Variants in FOXP1 observed in about 807,000 individuals in gnomAD.
FOXP1 encodes forkhead box protein P1.
Under a neutral mutation model 98.2 loss-of-function variants are expected in FOXP1, and 15 were observed. The ratio of observed to expected loss-of-function variants is 0.15; its 90% CI spans 0.10 to 0.24. The LOEUF (loss-of-function observed/expected upper bound fraction) is 0.24. FOXP1 is among the 10% of genes least tolerant of loss of function. The pLI is 1.00. For missense variants in FOXP1, 633 were observed against 848.5 expected (o/e 0.75, Z 3.15); for synonymous variants, 371 against 314.5 (o/e 1.18, Z -1.90).
intron 3 of FOXP1, among the ~76,000 whole-genome samples, chr3:71,470,826 A>G (rs761811117): frequency 2.6e-5 from 4 of 152,226 alleles, no homozygotes; most frequent in Non-Finnish European, 4.4e-5. Flanking sequence ...AACTTCAACT[A>G]TTCAGTGTAT....
chr3:71,219,420 T>C (rs551892724), intron 5 of FOXP1, among the ~76,000 whole-genome samples: 1 of 152,324 alleles, frequency 6.6e-6, no homozygotes, highest in South Asian at 2.1e-4. Context: ...AATGTGTGAT[T>C]TTCATGAAAG....
At chr3:71,538,562 G>A (rs1262359973) in intron 2 of FOXP1, among the ~76,000 whole-genome samples, 2 of 152,178 alleles carry the variant, frequency 1.3e-5, no homozygotes, top group Non-Finnish European at 2.9e-5. Context: ...TCCACCAGTT[G>A]ATAGACATCT....
At chr3:71,155,235 A>G (rs2060763204) in intron 6 of FOXP1, among the ~76,000 whole-genome samples, 1 of 152,264 alleles carries the variant, frequency 6.6e-6, no homozygotes, top group South Asian at 2.1e-4. Flanking sequence ...GAAAATACAT[A>G]TAAACCAAGC....
At chr3:71,163,106 G>C (rs1056886843) in intron 6 of FOXP1, among the ~76,000 whole-genome samples, 6 of 152,178 alleles carry the variant, frequency 3.9e-5, no homozygotes, top group Admixed American at 1.3e-4. Context: ...ACGGTAACTA[G>C]GATTGGTTTC....
chr3:71,535,661 C>T (rs945191622), intron 2 of FOXP1, among the ~76,000 whole-genome samples: 1 of 152,152 alleles, frequency 6.6e-6, no homozygotes, highest in South Asian at 2.1e-4. Flanking sequence ...GAGGTGAAGG[C>T]TGCAGTAAGC....
chr3:71,175,717 A>G (rs1439382283), intron 6 of FOXP1, among the ~76,000 whole-genome samples: 3 of 152,208 alleles, frequency 2.0e-5, no homozygotes, highest in African/African-American at 7.2e-5. Flanking sequence ...TAAACCGGAA[A>G]CAAATATATG....
chr3:71,508,750 A>G (rs1343161144), intron 2 of FOXP1, among the ~76,000 whole-genome samples: 1 of 152,064 alleles, frequency 6.6e-6, no homozygotes, highest in African/African-American at 2.4e-5. Context: ...CTGGCCCCCA[A>G]CCTCCCAAGG....
rs896202594 is a variant in FOXP1 at position 71,146,390 on chromosome 3, C to T, written c.181-33753G>A. 3.3e-5 allele frequency among the ~76,000 whole-genome samples: 5 copies of T among 152,180 alleles called. No individual in the cohort carries two copies. In the South Asian group the frequency reaches 1.0e-3, roughly 32 times the overall value. The stretch of plus-strand genomic sequence containing the variant: ...ATGAGAATGTCTTGGAAAGCCAGCA[C>T]TTGGAAAACACACACACAGGGCCAA... On this transcript the variant is annotated intron_variant, in intron 6 of 20. Coordinates refer to ENST00000649528, the MANE Select transcript of FOXP1 (RefSeq NM_001349338.3).
At chr3:71,133,822 A>ATG (rs10675924) in intron 6 of FOXP1, among the ~76,000 whole-genome samples, 129,176 of 151,484 alleles carry the variant, frequency 0.85, 58,422 homozygotes, top group South Asian at 0.99. Context: ...TACCCCGAAT[A>ATG]TGTGTGTGTG....
chr3:71,244,685 T>C (rs2067576512), intron 5 of FOXP1, among the ~76,000 whole-genome samples: 1 of 151,698 alleles, frequency 6.6e-6, no homozygotes, highest in South Asian at 2.1e-4. Context: ...CATCCACAAC[T>C]GGTGGCATTT....
At chr3:71,383,727 C>G (rs831082) in intron 3 of FOXP1, among the ~76,000 whole-genome samples, 69,626 of 151,926 alleles carry the variant, frequency 0.46, 17,055 homozygotes, top group East Asian at 0.98. Context: ...CATGGAAGAC[C>G]AGGCCCCCTT....
In FOXP1 at chr3:70,972,144, A is replaced by ACT. The variant is rs2036399490; in HGVS notation, c.1652+410_1652+411insAG. On this transcript the variant is annotated intron_variant, in intron 18 of 20. Coordinates refer to ENST00000649528, the MANE Select transcript of FOXP1 (RefSeq NM_001349338.3). ...CCAAACTCATCCTCTACTCTGATAA[A>ACT]GCACTTATGCAGTGAGAGGTTGGTG... 9 of 1,533,892 alleles carry ACT rather than the reference A, an allele frequency of 5.9e-6. No homozygotes were observed. In the African/African-American group the frequency reaches 1.2e-4, roughly 21 times the overall value.
intron 1 of FOXP1, chr3:71,582,745 A>C (rs544537172): frequency 2.0e-5 from 20 of 984,772 alleles, no homozygotes; most frequent in Non-Finnish European, 2.3e-5. Flanking sequence ...GGGAAAGCGG[A>C]GGCCGAGCGC....
intron 3 of FOXP1, among the ~76,000 whole-genome samples, chr3:71,437,937 G>A (rs2085522815): frequency 6.6e-6 from 1 of 152,164 alleles, no homozygotes; most frequent in South Asian, 2.1e-4. Flanking sequence ...GAGTCAAAGA[G>A]AGCCCACGGA....
intron 2 of FOXP1, among the ~76,000 whole-genome samples, chr3:71,513,200 G>A (rs534105388): frequency 1.3e-5 from 2 of 152,136 alleles, no homozygotes; most frequent in African/African-American, 4.8e-5. Flanking sequence ...ACCCTCTCAA[G>A]CAGGCTCTAT....
Position 71,397,742 on chromosome 3 carries a change from G to A in FOXP1, c.-167-38498C>T, listed in dbSNP as rs368083561. 2.6e-4 allele frequency among the ~76,000 whole-genome samples: 39 copies of A among 152,316 alleles called. No homozygotes were observed. The East Asian group carries it at 6.4e-3, about 25-fold the overall frequency. ...TCACTGATTTCACAGAGTTAATCTA[G>A]AAACCTTTGAAGTCTTCAACTTATA... On this transcript the variant is annotated intron_variant, in intron 3 of 20. Coordinates refer to ENST00000649528, the MANE Select transcript of FOXP1 (RefSeq NM_001349338.3).
Position 71,198,291 on chromosome 3 carries a change from C to G in FOXP1, c.91G>C (p.Gly31Arg), listed in dbSNP as rs750746668. The G allele has an allele frequency of 6.2e-7, 1 of 1,614,150 alleles. No homozygotes were observed. Among genetic ancestry groups the G allele is most frequent in the Non-Finnish European group, 8.5e-7 (1 of 1,180,040 alleles). Residue 31 changes from glycine (G) to arginine (R), a missense_variant, in exon 6 of 21, where the codon GGT (glycine) becomes CGT (arginine). Gly to Arg is a moderately radical substitution (Grantham distance 125). Around this residue, in one of 6 missense-constraint regions of FOXP1, gnomAD observed 103 missense variants for 85.5 expected, o/e 1.20. Transcript: ENST00000649528. ...GGSNHLLECG[G>R]LREGRSNGET... ...CCGTTGGACCGCCCCTCCCGAAGAC[C>G]GCCGCACTCTAGTAAGTGGTTGCTG...
chr3:71,327,868 G>A (rs962298204), intron 4 of FOXP1, among the ~76,000 whole-genome samples: 9 of 152,020 alleles, frequency 5.9e-5, no homozygotes, highest in African/African-American at 1.2e-4. Flanking sequence ...AAAATAAGGC[G>A]CATATAAATG....
intron 3 of FOXP1, among the ~76,000 whole-genome samples, chr3:71,410,454 T>C (rs2082649607): frequency 6.6e-6 from 1 of 152,246 alleles, no homozygotes; most frequent in African/African-American, 2.4e-5. Context: ...ATGCTTCCAG[T>C]TGTGGCTTAT....
Sources: gnomAD v4.1 joint callset for allele counts (sites outside exome capture counted in the v4.1 genomes callset) on GRCh38, gnomAD v4.1.1 for gene constraint, gnomAD v4.1.1 regional missense constraint, MANE v1.5 for transcripts, NCBI Gene and HGNC (gene_info 2026-07-23, HGNC 2026-07-21) for gene names.